The following CDH13 variants were observed in gnomAD, a reference collection of about 807,000 sequenced individuals.
CDH13 encodes the protein cadherin-13.
A neutral mutation model predicts 63.8 loss-of-function variants in CDH13; 24 were observed. That is an observed-to-expected ratio of 0.38 (90% CI 0.27 to 0.53). CDH13 has a LOEUF of 0.53. Ranked by LOEUF, CDH13 falls within the 20% of genes least tolerant of loss-of-function variation. The probability of loss-of-function intolerance (pLI) is 0.85; values close to 1 mark genes in which losing one functional copy is unlikely to be tolerated. For synonymous variants in CDH13, 503 were observed against 355.3 expected (o/e 1.42, Z -4.67); for missense variants, 1,049 against 903.1 (o/e 1.16, Z -2.07).
At chr16:83,365,721 A>G (rs1486694906) in intron 6 of CDH13, among the ~76,000 whole-genome samples, 1 of 152,226 alleles carries the variant, frequency 6.6e-6, no homozygotes, top group Non-Finnish European at 1.5e-5. Flanking sequence ...AAGAAGAGAG[A>G]TGCAGCAGCA....
chr16:83,794,882 GAA>G, intron 13 of CDH13, 139 bp from the exon 14 acceptor site: 2 of 714,950 alleles, frequency 2.8e-6, no homozygotes, highest in Non-Finnish European at 4.8e-6. Flanking sequence ...GATCCTTAAG[GAA>G]AAAAAAAATT....
chr16:83,185,915 C>T (rs72800295), intron 4 of CDH13, among the ~76,000 whole-genome samples: 6,153 of 152,228 alleles, frequency 0.04, 196 homozygotes, highest in Non-Finnish European at 0.053. Context: ...ATGTCTTATC[C>T]ATGGAGTATG....
At chr16:82,816,973 C>T (rs748481560) in intron 1 of CDH13, among the ~76,000 whole-genome samples, 8 of 151,988 alleles carry the variant, frequency 5.3e-5, no homozygotes, top group Non-Finnish European at 1.0e-4. Flanking sequence ...AAAACAGAGA[C>T]TTTTTACAGG....
chr16:83,693,424 G>C (rs928680524), intron 10 of CDH13, among the ~76,000 whole-genome samples: 8 of 152,128 alleles, frequency 5.3e-5, no homozygotes, highest in African/African-American at 1.9e-4. Flanking sequence ...GACTGATAGG[G>C]GTGTTTTTCT....
intron 2 of CDH13, among the ~76,000 whole-genome samples, chr16:82,896,770 CTTTTTTTTTTTTT>C (rs71382855): frequency 1.8e-4 from 10 of 55,518 alleles, no homozygotes; most frequent in Admixed American, 2.8e-4. Context: ...CTGTGCAATT[CTTTTTTTTTTTTT>C]TTTTTTTTTT....
At chr16:82,831,188 A>G (rs2038525412) in intron 1 of CDH13, among the ~76,000 whole-genome samples, 1 of 152,162 alleles carries the variant, frequency 6.6e-6, no homozygotes, top group Non-Finnish European at 1.5e-5. Context: ...ATTTGCATAC[A>G]CAGTGGCATT....
At position 82,995,709 on chromosome 16, in the gene CDH13, C is replaced by G. The variant is rs541437955; in HGVS notation, c.158-36301C>G. ...TTCAAAATAGATGTGATACTTCTCC[C>G]CAGTTATACAACTTCTGGAAGCAGG... On this transcript the variant is annotated intron_variant, in intron 2 of 13. Transcript: ENST00000567109. Among the ~76,000 whole-genome samples the G allele has an allele frequency of 3.3e-5, 5 of 152,258 alleles. No individual in the cohort carries two copies. In the South Asian group the frequency reaches 1.0e-3, roughly 32 times the overall value.
chr16:83,222,027 A>T (rs544125385), intron 5 of CDH13, among the ~76,000 whole-genome samples: 124 of 152,308 alleles, frequency 8.1e-4, no homozygotes, highest in African/African-American at 2.8e-3. Flanking sequence ...GAACATTTAC[A>T]GTGTGCCAAG....
intron 8 of CDH13, among the ~76,000 whole-genome samples, chr16:83,662,871 C>T (rs894339311): frequency 6.6e-6 from 1 of 152,136 alleles, no homozygotes; most frequent in African/African-American, 2.4e-5. Context: ...CAGACAAGAA[C>T]ACAGGGAACC....
chr16:82,978,346 G>C lies in CDH13; in HGVS notation c.158-53664G>C, dbSNP rs1046310503. On this transcript the variant is annotated intron_variant, in intron 2 of 13. Transcript: ENST00000567109. ...TGTTGCAGAAATTTGCATCAGTAAT[G>C]AGGAGCAAAATATTAATCACCAAGA... is the stretch of plus-strand genomic sequence containing the variant. Among the ~76,000 whole-genome samples the C allele has an allele frequency of 2.6e-5, 4 of 152,230 alleles. No individual in the cohort carries two copies. In the East Asian group the frequency reaches 5.8e-4, roughly 22 times the overall value.
At chr16:83,038,681 C>T (rs927846618) in intron 3 of CDH13, among the ~76,000 whole-genome samples, 3 of 152,134 alleles carry the variant, frequency 2.0e-5, no homozygotes, top group Non-Finnish European at 4.4e-5. Flanking sequence ...CATGCGTGTT[C>T]GCCTTGTATG....
intron 10 of CDH13, among the ~76,000 whole-genome samples, chr16:83,685,336 C>G (rs117276870): frequency 1.1e-4 from 17 of 152,068 alleles, no homozygotes; most frequent in African/African-American, 2.7e-4. Flanking sequence ...TTAAATGGAA[C>G]CTTTCTGCTT....
chr16:83,344,802 A>G, intron 5 of CDH13, 60 bp from the exon 6 acceptor site: 2 of 1,580,714 alleles, frequency 1.3e-6, no homozygotes, highest in South Asian at 1.1e-5. Context: ...AGAGAACCTT[A>G]TTTGAATTTT....
chr16:83,218,428 A>C (rs1174486281), intron 5 of CDH13, among the ~76,000 whole-genome samples: 1 of 151,950 alleles, frequency 6.6e-6, no homozygotes, highest in Non-Finnish European at 1.5e-5. Context: ...TGTCAATGAG[A>C]ACTGAAACGT....
intron 2 of CDH13, among the ~76,000 whole-genome samples, chr16:82,973,787 A>C (rs1392473521): frequency 6.6e-6 from 1 of 152,114 alleles, no homozygotes; most frequent in African/African-American, 2.4e-5. Context: ...AAGGTGCACA[A>C]ATATGTCTTT....
intron 4 of CDH13, among the ~76,000 whole-genome samples, chr16:83,141,941 T>C (rs1290635775): frequency 6.6e-6 from 1 of 152,102 alleles, no homozygotes; most frequent in Non-Finnish European, 1.5e-5. Context: ...CCTCCTCCAG[T>C]GTCAGAGCAC....
intron 7 of CDH13, among the ~76,000 whole-genome samples, chr16:83,507,362 AGT>A (rs1372037762): frequency 1.3e-5 from 2 of 152,250 alleles, no homozygotes; most frequent in Admixed American, 1.3e-4. Flanking sequence ...ATGAATGAAG[AGT>A]GTGTGTTAGA....
chr16:82,730,614 C>G (rs1055151787), intron 1 of CDH13, among the ~76,000 whole-genome samples: 2 of 152,118 alleles, frequency 1.3e-5, no homozygotes, highest in African/African-American at 4.8e-5. Flanking sequence ...GCAGGAAAGA[C>G]CAAAATGTGA....
At chr16:83,438,655 A>G (rs1476691595) in intron 6 of CDH13, among the ~76,000 whole-genome samples, 1 of 152,250 alleles carries the variant, frequency 6.6e-6, no homozygotes, top group Non-Finnish European at 1.5e-5. Flanking sequence ...GCTCTTTTAT[A>G]CTAGAGCCTG....
Sources: gnomAD v4.1 joint callset for allele counts (sites outside exome capture counted in the v4.1 genomes callset) on GRCh38, gnomAD v4.1.1 for gene constraint, MANE v1.5 for transcripts, NCBI Gene and HGNC (gene_info 2026-07-23, HGNC 2026-07-21) for gene names.